CNTNAP2: variants seen among roughly 807,000 people sequenced by gnomAD.
CNTNAP2 encodes the protein contactin associated protein 2, also known as contactin-associated protein-like 2.
CNTNAP2 carries 98 observed loss-of-function variants against 155.2 expected under a neutral mutation model. The observed-to-expected ratio is 0.63, with a 90% CI of 0.54 to 0.75. The LOEUF (loss-of-function observed/expected upper bound fraction) is 0.75. Among genes scored for constraint, CNTNAP2 ranks in the 30% least tolerant of loss-of-function variants. The pLI, the probability that CNTNAP2 is intolerant of heterozygous loss-of-function variation, is 0.00. For synonymous variants in CNTNAP2, 651 were observed against 631.2 expected (o/e 1.03, Z -0.47); for missense variants, 1,727 against 1,688.1 (o/e 1.02, Z -0.40).
intron 9 of CNTNAP2, among the ~76,000 whole-genome samples, chr7:147,368,028 T>A (rs1396309131): frequency 1.1e-4 from 3 of 26,144 alleles, no homozygotes; most frequent in African/African-American, 5.1e-4. Flanking sequence ...CCCCTCCCCC[T>A]CCTCCTCTGT....
intron 3 of CNTNAP2, among the ~76,000 whole-genome samples, chr7:146,867,285 T>G (rs1795223527): frequency 6.6e-6 from 1 of 152,156 alleles, no homozygotes; most frequent in African/African-American, 2.4e-5. Context: ...GGTTTTCTGT[T>G]CTTGTGTTAG....
At chr7:146,791,936 A>AT (rs1424805701) in intron 2 of CNTNAP2, among the ~76,000 whole-genome samples, 3 of 151,830 alleles carry the variant, frequency 2.0e-5, no homozygotes, top group East Asian at 1.9e-4. Context: ...CCCCCCTACT[A>AT]TTTTTTTCTT....
intron 18 of CNTNAP2, among the ~76,000 whole-genome samples, chr7:148,179,934 G>A (rs973152709): frequency 6.3e-4 from 96 of 152,352 alleles, no homozygotes; most frequent in African/African-American, 2.2e-3. Flanking sequence ...GCGGTTGGAA[G>A]ACTGAACAAA....
intron 1 of CNTNAP2, among the ~76,000 whole-genome samples, chr7:146,703,739 G>T (rs923006013): frequency 1.3e-5 from 2 of 151,978 alleles, no homozygotes; most frequent in Non-Finnish European, 2.9e-5. Flanking sequence ...TGAAGGTTCC[G>T]TTCTCATGAC....
intron 9 of CNTNAP2, among the ~76,000 whole-genome samples, chr7:147,326,246 T>G (rs976893793): frequency 6.6e-6 from 1 of 152,218 alleles, no homozygotes; most frequent in African/African-American, 2.4e-5. Context: ...CTTGCTATCT[T>G]TATGAATTTG....
intron 1 of CNTNAP2, among the ~76,000 whole-genome samples, chr7:146,502,641 CCT>C (rs1041280618): frequency 4.0e-5 from 6 of 151,878 alleles, no homozygotes; most frequent in African/African-American, 1.5e-4. Context: ...AAACAGAGCC[CCT>C]CTCTTTCATC....
At chr7:148,220,983 T>G (rs1795739182) in intron 19 of CNTNAP2, among the ~76,000 whole-genome samples, 2 of 152,100 alleles carry the variant, frequency 1.3e-5, no homozygotes, top group Non-Finnish European at 1.5e-5. Context: ...AAGAAGTTGG[T>G]GAACACATTC....
intron 8 of CNTNAP2, chr7:147,161,632 CA>C (rs1802026080): frequency 6.6e-6 from 1 of 151,950 alleles, no homozygotes; most frequent in Admixed American, 6.6e-5. Flanking sequence ...TTCTCTCTCT[CA>C]TAGGGTACGC....
chr7:147,000,632 T>C (rs1052670923), intron 3 of CNTNAP2, among the ~76,000 whole-genome samples: 1 of 152,110 alleles, frequency 6.6e-6, no homozygotes, highest in Non-Finnish European at 1.5e-5. Context: ...GTGCCCTATA[T>C]CCTGAACCAC....
At chr7:147,835,955 G>A (rs569244200) in intron 13 of CNTNAP2, among the ~76,000 whole-genome samples, 1 of 152,308 alleles carries the variant, frequency 6.6e-6, no homozygotes, top group South Asian at 2.1e-4. Flanking sequence ...TGGAGGGAGT[G>A]CAGTCCTGCT....
In CNTNAP2 at chr7:147,561,290, C is replaced by T. The variant is rs376513085; in HGVS notation, c.1778-848C>T. Among the ~76,000 whole-genome samples, 30 of 152,188 alleles carry T rather than the reference C, an allele frequency of 2.0e-4. 1 individual carries two copies. Among genetic ancestry groups the T allele is most frequent in the East Asian group, 1.2e-3 (6 of 5,170 alleles). ...TTGTATCAGGTTGACATATTTTTAC[C>T]GAAAACATATCTTAGTTTTGTGAAG... On this transcript the variant is annotated intron_variant, in intron 11 of 23. Transcript: ENST00000361727.
intron 13 of CNTNAP2, among the ~76,000 whole-genome samples, chr7:147,842,581 A>ATTTTTT (rs1798766426): frequency 1.8e-5 from 1 of 56,558 alleles, no homozygotes; most frequent in African/African-American, 7.1e-5. Flanking sequence ...TTTACTTTTT[A>ATTTTTT]CTTTTCTTTT....
intron 1 of CNTNAP2, among the ~76,000 whole-genome samples, chr7:146,757,342 A>AT (rs1344473979): frequency 1.3e-5 from 2 of 152,008 alleles, no homozygotes; most frequent in Non-Finnish European, 2.9e-5. Context: ...AAAAAGAATT[A>AT]TTTTTCATTG....
chr7:148,043,137 C>T (rs1160691092), intron 15 of CNTNAP2, among the ~76,000 whole-genome samples: 1 of 152,198 alleles, frequency 6.6e-6, no homozygotes, highest in African/African-American at 2.4e-5. Context: ...TGATACATTG[C>T]CACCTCCCAG....
intron 1 of CNTNAP2, among the ~76,000 whole-genome samples, chr7:146,436,690 T>G (rs1796248436): frequency 6.6e-6 from 1 of 151,898 alleles, no homozygotes; most frequent in Non-Finnish European, 1.5e-5. Flanking sequence ...TTGATAAATA[T>G]TTTTAAGAAC....
At chr7:148,270,872 G>C (rs1329006800) in intron 21 of CNTNAP2, among the ~76,000 whole-genome samples, 1 of 152,188 alleles carries the variant, frequency 6.6e-6, no homozygotes, top group African/African-American at 2.4e-5. Flanking sequence ...ACCTCTCAGA[G>C]CCTAGGTTCT....
chr7:146,879,407 T>A (rs150389811), intron 3 of CNTNAP2, among the ~76,000 whole-genome samples: 1 of 152,150 alleles, frequency 6.6e-6, no homozygotes. Flanking sequence ...TTTGATAAGC[T>A]GTCAAGAGGC....
rs1274030898 is a variant in CNTNAP2, at chr7:146,875,959, AAAC to A, written c.402+36058_402+36060del. On this transcript the variant is annotated intron_variant, in intron 3 of 23. Transcript: ENST00000361727. ...CAAAAAAAAAAAAAAAAAAAAAAAA[AAAC>A]AAAAAACAAAAAAACGAGAAGAAGA... 5.7e-4 allele frequency among the ~76,000 whole-genome samples: 72 copies of A among 126,190 alleles called. 1 individual carries two copies. The highest frequency in any genetic ancestry group is 1.7e-3 in the African/African-American group (54 of 32,204). 82.8% of individuals were successfully genotyped at this position (126,190 alleles called of 152,430 possible).
rs567357712 is a variant in CNTNAP2, at chr7:147,435,564, T to C, written c.1670+39784T>C. The stretch of plus-strand genomic sequence containing the variant: ...TGTTTGTGACTTAGCAAGGCTGTTA[T>C]TGGAGACCTGGCCATTTTAGGTAGT... On this transcript the variant is annotated intron_variant, in intron 10 of 23. Transcript: ENST00000361727. Among the ~76,000 whole-genome samples the C allele has an allele frequency of 3.5e-4, 54 of 152,372 alleles. 1 individual carries two copies. In the South Asian group the frequency reaches 9.9e-3, roughly 28 times the overall value.
Sources: allele counts gnomAD v4.1 joint callset (sites outside exome capture counted in the v4.1 genomes callset), GRCh38; gene constraint gnomAD v4.1.1; transcripts MANE v1.5; gene names NCBI Gene and HGNC (gene_info 2026-07-23, HGNC 2026-07-21).